The following CACNA1E variants were observed in gnomAD, a reference collection of about 807,000 sequenced individuals.
CACNA1E encodes the protein calcium voltage-gated channel subunit alpha1 E, also known as voltage-dependent R-type calcium channel subunit alpha-1E.
CACNA1E carries 40 observed loss-of-function variants against 259.2 expected under a neutral mutation model. The ratio of observed to expected loss-of-function variants is 0.15; its 90% CI spans 0.12 to 0.20. The LOEUF is 0.20. Among genes scored for constraint, CACNA1E ranks in the 10% least tolerant of loss-of-function variants. The pLI, the probability that CACNA1E is intolerant of heterozygous loss-of-function variation, is 1.00. For missense variants in CACNA1E, 1,874 were observed against 3,040.1 expected (o/e 0.62, Z 9.02); for synonymous variants, 1,104 against 1,138.5 (o/e 0.97, Z 0.61).
chr1:181,566,904 G>A (rs560102955), intron 3 of CACNA1E, among the ~76,000 whole-genome samples: 24 of 152,068 alleles, frequency 1.6e-4, no homozygotes, highest in Non-Finnish European at 2.5e-4. Flanking sequence ...GTCATTGCTG[G>A]GTGAGGTGGG....
At chr1:181,450,384 AC>A (rs1661077163) in intron 2 of CACNA1E, among the ~76,000 whole-genome samples, 1 of 151,836 alleles carries the variant, frequency 6.6e-6, no homozygotes, top group Non-Finnish European at 1.5e-5. Flanking sequence ...TACAAGCTAA[AC>A]CTAAAAACAA....
intron 2 of CACNA1E, among the ~76,000 whole-genome samples, chr1:181,452,558 T>C (rs1312239357): frequency 6.6e-6 from 1 of 152,172 alleles, no homozygotes; most frequent in Non-Finnish European, 1.5e-5. Flanking sequence ...CCCAGAGCCC[T>C]ACCTCAGCCA....
chr1:181,720,096 A>G, intron 13 of CACNA1E, 110 bp from the exon 14 acceptor site: 3 of 1,305,554 alleles, frequency 2.3e-6, no homozygotes, highest in Non-Finnish European at 3.2e-6. Context: ...ACTTCCTACA[A>G]ATATACAAAT....
chr1:181,663,926 G>A (rs1325375300), intron 7 of CACNA1E, among the ~76,000 whole-genome samples: 2 of 152,144 alleles, frequency 1.3e-5, no homozygotes, highest in Admixed American at 6.5e-5. Flanking sequence ...TGTGGTGCAT[G>A]TTTTCAGAAT....
At chr1:181,683,373 A>G (rs937853667) in intron 7 of CACNA1E, among the ~76,000 whole-genome samples, 2 of 152,214 alleles carry the variant, frequency 1.3e-5, no homozygotes, top group Non-Finnish European at 2.9e-5. Flanking sequence ...AGTCTCCTGC[A>G]GCATTGTGTT....
intron 3 of CACNA1E, among the ~76,000 whole-genome samples, chr1:181,549,327 A>G (rs1350712583): frequency 6.6e-6 from 1 of 152,236 alleles, no homozygotes; most frequent in East Asian, 1.9e-4. Context: ...TGGATGGATT[A>G]GAATGGACAG....
chr1:181,428,929 C>A (rs1349871557), intron 2 of CACNA1E, among the ~76,000 whole-genome samples: 1 of 152,108 alleles, frequency 6.6e-6, no homozygotes, highest in Non-Finnish European at 1.5e-5. Context: ...TGCCTGTAAT[C>A]CCAGCACTTT....
chr1:181,391,939 CTCTCTCTGTGTG>C (rs1656324707), intron 1 of CACNA1E, among the ~76,000 whole-genome samples: 3 of 110,960 alleles, frequency 2.7e-5, no homozygotes, highest in Admixed American at 9.0e-5. Flanking sequence ...CTCTCTCTCT[CTCTCTCTGTGTG>C]TGTGTGTGTG....
chr1:181,785,244 C>A, intron 41 of CACNA1E, 74 bp from the exon 42 acceptor site: 1 of 875,652 alleles, frequency 1.1e-6, no homozygotes, highest in Non-Finnish European at 1.9e-6. Context: ...GAGTGGGTAA[C>A]AAAGCTTAGA....
intron 38 of CACNA1E, among the ~76,000 whole-genome samples, chr1:181,781,141 C>T (rs1368690529): frequency 6.6e-6 from 1 of 152,166 alleles, no homozygotes; most frequent in Non-Finnish European, 1.5e-5. Context: ...CTGAAGGTTG[C>T]CACCAGTTTT....
At position 181,405,245 on chromosome 1, in the gene CACNA1E, T is replaced by A. The variant is rs1446293251; in HGVS notation, c.-14-7888T>A. Among the ~76,000 whole-genome samples, 4 of 152,194 alleles carry A rather than the reference T, an allele frequency of 2.6e-5. No individual in the cohort carries two copies. The East Asian group carries it at 7.7e-4, about 29-fold the overall frequency. ...GATATTACGAGGCTCTAATTGGAGA[T>A]CCCCAGTGCTACTGGGATTGATACT... is the stretch of plus-strand genomic sequence containing the variant. On this transcript the variant is annotated intron_variant, in intron 1 of 11. Coordinates refer to the CACNA1E transcript ENST00000524607.
At chr1:181,526,414 T>A (rs1459729287) in intron 3 of CACNA1E, among the ~76,000 whole-genome samples, 1 of 43,580 alleles carries the variant, frequency 2.3e-5, no homozygotes, top group Non-Finnish European at 4.4e-5. Context: ...TGGTCTGAAT[T>A]TTTTTTTTTT....
At chr1:181,621,305 A>G (rs1431234523) in intron 6 of CACNA1E, among the ~76,000 whole-genome samples, 1 of 152,232 alleles carries the variant, frequency 6.6e-6, no homozygotes, top group African/African-American at 2.4e-5. Flanking sequence ...CTTGGCAACA[A>G]TGTGCCAGAT....
At chr1:181,583,573 G>A (rs1651768079) in intron 6 of CACNA1E, among the ~76,000 whole-genome samples, 1 of 152,306 alleles carries the variant, frequency 6.6e-6, no homozygotes, top group African/African-American at 2.4e-5. Context: ...CAATGTAAAT[G>A]CTTCCCTCAT....
chr1:181,405,656 C>G (rs1317525150), intron 1 of CACNA1E, among the ~76,000 whole-genome samples: 2 of 152,192 alleles, frequency 1.3e-5, no homozygotes, highest in East Asian at 3.8e-4. Context: ...TCCCTCTCTC[C>G]TCCCCTCACT....
In CACNA1E at chr1:181,354,254, C is replaced by T. The variant is rs78967309; in HGVS notation, c.-15+36131C>T. Among the ~76,000 whole-genome samples the T allele has an allele frequency of 6.8e-3, 1,027 of 151,562 alleles. 7 individuals are homozygous for T. Among genetic ancestry groups the T allele is most frequent in the Middle Eastern group, 0.027 (8 of 294 alleles). ...AAACCAATATGTATCGGGTACCCAT[C>T]GTGAGCCAGGCACATTCTGGGCCTA... On this transcript the variant is annotated intron_variant, in intron 1 of 11. Coordinates refer to the CACNA1E transcript ENST00000524607.
At chr1:181,610,082 T>C (rs1198276111) in intron 6 of CACNA1E, among the ~76,000 whole-genome samples, 1 of 152,178 alleles carries the variant, frequency 6.6e-6, no homozygotes, top group Non-Finnish European at 1.5e-5. Context: ...CTGGTCCATT[T>C]GGTGTGCACA....
chr1:181,687,722 T>C (rs146216330), intron 7 of CACNA1E, among the ~76,000 whole-genome samples: 1 of 152,232 alleles, frequency 6.6e-6, no homozygotes, highest in Non-Finnish European at 1.5e-5. Context: ...TCTACAATAG[T>C]ATATGGTTTG....
intron 6 of CACNA1E, among the ~76,000 whole-genome samples, chr1:181,599,155 C>T (rs1351916274): frequency 2.6e-5 from 4 of 152,020 alleles, no homozygotes; most frequent in Admixed American, 2.6e-4. Context: ...TTGTTCCCCC[C>T]TCCCATGTGT....
Sources: allele counts gnomAD v4.1 joint callset (sites outside exome capture counted in the v4.1 genomes callset), GRCh38; gene constraint gnomAD v4.1.1; transcripts MANE v1.5; gene names NCBI Gene and HGNC (gene_info 2026-07-23, HGNC 2026-07-21).